Variants in WDFY2 observed in about 807,000 individuals in gnomAD.
The protein encoded by WDFY2 is WD repeat and FYVE domain-containing protein 2.
A neutral mutation model predicts 56.4 loss-of-function variants in WDFY2; 36 were observed. That is an observed-to-expected ratio of 0.64 (90% CI 0.49 to 0.84). WDFY2 has a LOEUF of 0.84. Among genes scored for constraint, WDFY2 ranks in the 40% least tolerant of loss-of-function variants. The probability of loss-of-function intolerance (pLI) is 0.00; values close to 1 mark genes in which losing one functional copy is unlikely to be tolerated. For synonymous variants in WDFY2, 176 were observed against 183.7 expected (o/e 0.96, Z 0.34); for missense variants, 444 against 512.2 (o/e 0.87, Z 1.29).
chr13:51,621,819 T>A (rs937713291), intron 1 of WDFY2, among the ~76,000 whole-genome samples: 1 of 152,170 alleles, frequency 6.6e-6, no homozygotes, highest in East Asian at 1.9e-4. Context: ...CTAATGACTC[T>A]AAAACTTGGG....
chr13:51,623,534 C>A (rs1238566364), intron 1 of WDFY2, among the ~76,000 whole-genome samples: 1 of 152,048 alleles, frequency 6.6e-6, no homozygotes, highest in African/African-American at 2.4e-5. Flanking sequence ...AAAAAATCTC[C>A]ATTTTTTAAA....
chr13:51,656,897 CA>C (rs1177173709), intron 1 of WDFY2, among the ~76,000 whole-genome samples: 2 of 151,954 alleles, frequency 1.3e-5, no homozygotes, highest in African/African-American at 4.8e-5. Context: ...ATTTAAGTAG[CA>C]AAAAGTTGGA....
intron 1 of WDFY2, among the ~76,000 whole-genome samples, chr13:51,622,338 G>GT (rs1954747567): frequency 6.6e-6 from 1 of 151,198 alleles, no homozygotes; most frequent in South Asian, 2.1e-4. Flanking sequence ...TTTTATTATT[G>GT]TTTTTTATTT....
chr13:51,620,302 G>A (rs985748973), intron 1 of WDFY2, among the ~76,000 whole-genome samples: 3 of 152,144 alleles, frequency 2.0e-5, no homozygotes, highest in African/African-American at 7.2e-5. Flanking sequence ...CTCTGCCATG[G>A]AACAGCTGCT....
intron 3 of WDFY2, among the ~76,000 whole-genome samples, chr13:51,702,394 C>A (rs1420213231): frequency 1.3e-5 from 2 of 151,858 alleles, no homozygotes; most frequent in Non-Finnish European, 2.9e-5. Flanking sequence ...TAGTGCCACT[C>A]CTTGAAGAAA....
At chr13:51,707,569 CAGAA>C (rs1223842575) in intron 4 of WDFY2, among the ~76,000 whole-genome samples, 3 of 152,078 alleles carry the variant, frequency 2.0e-5, no homozygotes, top group Non-Finnish European at 2.9e-5. Context: ...CACACAAAAA[CAGAA>C]AGAATTCATC....
chr13:51,687,273 C>G (rs957304384), intron 3 of WDFY2, among the ~76,000 whole-genome samples: 1 of 151,866 alleles, frequency 6.6e-6, no homozygotes, highest in African/African-American at 2.4e-5. Flanking sequence ...ATACCCTCCC[C>G]TGCTGAAAAA....
chr13:51,667,030 C>T (rs1262689986), intron 2 of WDFY2, among the ~76,000 whole-genome samples: 1 of 152,290 alleles, frequency 6.6e-6, no homozygotes, highest in South Asian at 2.1e-4. Flanking sequence ...TCACTTTGGG[C>T]AAGTCCTTCA....
chr13:51,724,543 T>C (rs1483329188), intron 5 of WDFY2, among the ~76,000 whole-genome samples: 1 of 152,216 alleles, frequency 6.6e-6, no homozygotes, highest in Admixed American at 6.5e-5. Context: ...AGCCCAATTT[T>C]TATTTTTTAA....
At chr13:51,756,106 G>T (rs2138740730) in intron 9 of WDFY2, among the ~76,000 whole-genome samples, 1 of 152,182 alleles carries the variant, frequency 6.6e-6, no homozygotes, top group East Asian at 1.9e-4. Context: ...AAGCAGGAGA[G>T]TGGGGTGGTA....
At chr13:51,734,666 T>A (rs1566202675) in intron 6 of WDFY2, among the ~76,000 whole-genome samples, 1 of 152,186 alleles carries the variant, frequency 6.6e-6, no homozygotes, top group African/African-American at 2.4e-5. Context: ...CCTCTATCCA[T>A]TTCCAGAACT....
chr13:51,652,830 C>T (rs1373080002), intron 1 of WDFY2, among the ~76,000 whole-genome samples: 1 of 152,138 alleles, frequency 6.6e-6, no homozygotes, highest in African/African-American at 2.4e-5. Flanking sequence ...CTCTGGCTGC[C>T]CTTAACATTT....
intron 3 of WDFY2, among the ~76,000 whole-genome samples, chr13:51,703,378 A>G (rs563571441): frequency 2.6e-5 from 4 of 152,324 alleles, no homozygotes; most frequent in South Asian, 4.1e-4. Context: ...TGCATACACA[A>G]AAAGTCAACA....
At position 51,763,868 on chromosome 13, in the gene WDFY2, G is replaced by GC. The variant is rs1416325841; in HGVS notation, c.*4100dup. 1.3e-5 allele frequency: 2 copies of GC among 152,190 alleles called. No homozygotes were observed. Among genetic ancestry groups the GC allele is most frequent in the Non-Finnish European group, 2.9e-5 (2 of 68,026 alleles). The allele number at this position is 152,190 out of a possible 1,614,324, so 9.4% of individuals were successfully genotyped here. On this transcript the variant is annotated 3_prime_UTR_variant, in exon 12 of 12. Transcript: ENST00000298125. ...TTAAGGCCCAAATTTTTGTTTTTAA[G>GC]CAAAAGGATAGCTCTAAGTGTGGGT...
At chr13:51,631,018 G>GA (rs1954942046) in intron 1 of WDFY2, among the ~76,000 whole-genome samples, 1 of 151,086 alleles carries the variant, frequency 6.6e-6, no homozygotes, top group Non-Finnish European at 1.5e-5. Flanking sequence ...GACCTCAGGT[G>GA]ATCCACCCAT....
At chr13:51,704,760 T>C (rs1952050093) in intron 4 of WDFY2, among the ~76,000 whole-genome samples, 1 of 152,218 alleles carries the variant, frequency 6.6e-6, no homozygotes, top group Admixed American at 6.5e-5. Flanking sequence ...ATCCTATAAA[T>C]ATATGCAATT....
At chr13:51,693,173 T>G (rs1218607034) in intron 3 of WDFY2, among the ~76,000 whole-genome samples, 3 of 152,104 alleles carry the variant, frequency 2.0e-5, no homozygotes, top group Non-Finnish European at 4.4e-5. Context: ...TTTTTGAAGG[T>G]TTTTTTGTGT....
chr13:51,632,951 A>T (rs895455366), intron 1 of WDFY2, among the ~76,000 whole-genome samples: 1 of 152,202 alleles, frequency 6.6e-6, no homozygotes, highest in African/African-American at 2.4e-5. Flanking sequence ...TCCAGGCAAA[A>T]ATAGGGAAAA....
At chr13:51,679,410 T>TG (rs1955941115) in intron 3 of WDFY2, among the ~76,000 whole-genome samples, 1 of 152,190 alleles carries the variant, frequency 6.6e-6, no homozygotes, top group Non-Finnish European at 1.5e-5. Context: ...TCATTGAAGA[T>TG]TTTTTGAAAA....
Sources: gnomAD v4.1 joint callset for allele counts (sites outside exome capture counted in the v4.1 genomes callset) on GRCh38, gnomAD v4.1.1 for gene constraint, MANE v1.5 for transcripts, NCBI Gene and HGNC (gene_info 2026-07-23, HGNC 2026-07-21) for gene names.